SHANK2: variants seen among roughly 807,000 people sequenced by gnomAD.
SHANK2 encodes SH3 and multiple ankyrin repeat domains protein 2.
In SHANK2, 43 loss-of-function variants were observed where a neutral mutation model predicts 133.7. The observed-to-expected ratio is 0.32, with a 90% confidence interval of 0.25 to 0.41. The LOEUF is 0.41. Among genes scored for constraint, SHANK2 ranks in the 10% least tolerant of loss-of-function variants. The pLI is 1.00. For missense variants in SHANK2, 1,994 were observed against 2,235.8 expected (o/e 0.89, Z 2.18); for synonymous variants, 1,017 against 952.8 (o/e 1.07, Z -1.24).
At chr11:71,079,773 A>C (rs1454288889) in intron 8 of SHANK2, among the ~76,000 whole-genome samples, 1 of 147,902 alleles carries the variant, frequency 6.8e-6, no homozygotes, top group African/African-American at 2.5e-5. Context: ...AGAGAAAGAA[A>C]GAGAGAGTAA....
chr11:71,185,449 A>G (rs1273095818), intron 2 of SHANK2, among the ~76,000 whole-genome samples: 3 of 152,216 alleles, frequency 2.0e-5, no homozygotes, highest in Non-Finnish European at 4.4e-5. Context: ...GGCCAGGAAG[A>G]GAAGGATGGG....
intron 3 of SHANK2, among the ~76,000 whole-genome samples, chr11:71,133,186 A>C (rs1322623325): frequency 7.4e-6 from 1 of 134,860 alleles, no homozygotes; most frequent in Admixed American, 6.9e-5. Context: ...GGATGAGTGG[A>C]TGCATGGATG....
In SHANK2 at chr11:70,473,299, G is replaced by T; in HGVS notation, c.5120C>A (p.Ala1707Asp). ...TGTTGGCGAGACCACAGGGCTTGGG[G>T]CACGTCTTGTTCCTGAGGTCCTGCT... is the stretch of plus-strand genomic sequence containing the variant. Reference protein sequence around the residue: ...YESRTSGTRRAPSPVVSPTEM... With the variant: ...YESRTSGTRRDPSPVVSPTEM... The change falls in exon 26 of 26, where the codon GCC (alanine) becomes GAC (aspartate). Residue 1707 changes from alanine (A) to aspartate (D), a missense_variant. By Grantham distance (126) the Ala-to-Asp change is moderately radical. This residue lies in a region of SHANK2 where 797 missense variants were observed against 907.4 expected (regional missense o/e 0.88). Transcript: ENST00000601538. The surrounding 1 kb of genome is among the most constrained non-coding windows in gnomAD (Gnocchi z 5.9). 1 of 1,613,994 alleles carries T rather than the reference G, an allele frequency of 6.2e-7. No individual in the cohort carries two copies. The highest frequency in any genetic ancestry group is 8.5e-7 in the Non-Finnish European group (1 of 1,180,008).
chr11:70,744,945 T>C (rs549875917), intron 14 of SHANK2, among the ~76,000 whole-genome samples: 1 of 152,332 alleles, frequency 6.6e-6, no homozygotes, highest in African/African-American at 2.4e-5. Context: ...AGCTGCACCC[T>C]GCAGCTCTGA....
intron 17 of SHANK2, among the ~76,000 whole-genome samples, chr11:70,576,826 CT>C (rs1163351764): frequency 1.3e-5 from 2 of 152,218 alleles, no homozygotes; most frequent in African/African-American, 4.8e-5. Flanking sequence ...CCTCACTTTT[CT>C]CCCCTACTAA....
rs782046119 is a variant in SHANK2, at chr11:70,473,134, C to G, written c.5285G>C (p.Arg1762Thr). Residue 1762 changes from arginine to threonine, a missense_variant, in exon 26 of 26, where the codon AGG becomes ACG. Physicochemically the swap from Arg to Thr is moderately conservative, Grantham distance 71. Transcript: ENST00000601538. This position sits in a 1 kb window ranked among gnomAD's most constrained non-coding sequence, Gnocchi z 5.9. ...TTGCAGTATCGAGGGGGATGGCGAC[C>G]TACTGCGTCCCGCTGGGTTCAAGCC... Reference protein sequence around the residue: ...LFGLNPAGRSRSPSPSILQQP... With the variant: ...LFGLNPAGRSTSPSPSILQQP... 1 of 1,614,262 alleles carries G rather than the reference C, an allele frequency of 6.2e-7. No homozygotes were observed. Among genetic ancestry groups the G allele is most frequent in the Non-Finnish European group, 8.5e-7 (1 of 1,180,050 alleles).
Position 70,816,221 on chromosome 11 carries a change from G to A in SHANK2, c.1493+4143C>T, listed in dbSNP as rs75050468. 9.9e-3 allele frequency among the ~76,000 whole-genome samples: 1,513 copies of A among 152,378 alleles called. 12 individuals carry two copies. Among genetic ancestry groups the A allele is most frequent in the Non-Finnish European group, 0.016 (1,080 of 68,046 alleles). On this transcript the variant is annotated intron_variant, in intron 12 of 25. Coordinates refer to ENST00000601538, the MANE Select transcript of SHANK2 (RefSeq NM_012309.5). ...CTTAATCCACCCAGCACACTCGGGA[G>A]GGGGTGAAAGTCATCAGCCCCACTT...
Position 70,865,475 on chromosome 11 carries a change from G to A in SHANK2, c.1174+31026C>T, listed in dbSNP as rs892328197. 2.0e-5 allele frequency among the ~76,000 whole-genome samples: 3 copies of A among 152,316 alleles called. No individual in the cohort carries two copies. In the East Asian group the frequency reaches 5.8e-4, roughly 29 times the overall value. ...GAATTCACCACGAGTAAGGGCACGC[G>A]GGGGGTGTCTGAGAAAGTGCAGAAG... On this transcript the variant is annotated intron_variant, in intron 11 of 25. Transcript: ENST00000601538.
intron 15 of SHANK2, among the ~76,000 whole-genome samples, chr11:70,679,394 G>A (rs1944978490): frequency 1.3e-5 from 2 of 152,206 alleles, no homozygotes; most frequent in South Asian, 4.1e-4. Flanking sequence ...CCCTTTTGAG[G>A]AGCAGGGCAG....
In SHANK2 at chr11:70,579,734, A is replaced by G. The variant is rs2060160301; in HGVS notation, c.2062-76803T>C. Among the ~76,000 whole-genome samples, 3 of 152,242 alleles carry G rather than the reference A, an allele frequency of 2.0e-5. No individual in the cohort carries two copies. The South Asian group carries it at 6.2e-4, about 32-fold the overall frequency. On this transcript the variant is annotated intron_variant, in intron 17 of 25. Coordinates refer to ENST00000601538, the MANE Select transcript of SHANK2 (RefSeq NM_012309.5). ...TAATCCCTGGGACCTGTGTGACCATAAGCCGCAAAAGGGACTTTGCAGATG... is the reference window on the plus strand; with the variant it reads ...TAATCCCTGGGACCTGTGTGACCATGAGCCGCAAAAGGGACTTTGCAGATG...
intron 3 of SHANK2, among the ~76,000 whole-genome samples, chr11:71,134,789 T>C (rs1555104450): frequency 6.6e-6 from 1 of 152,134 alleles, no homozygotes. Flanking sequence ...CCCCACTGGC[T>C]TTGTCATAGG....
intron 2 of SHANK2, among the ~76,000 whole-genome samples, chr11:71,172,001 G>A (rs1446741489): frequency 1.3e-5 from 2 of 152,214 alleles, no homozygotes; most frequent in Non-Finnish European, 2.9e-5. Flanking sequence ...CCTTGGGGCA[G>A]CAGCAGTAGG....
intron 14 of SHANK2, among the ~76,000 whole-genome samples, chr11:70,758,489 C>T (rs1262951047): frequency 6.6e-6 from 1 of 152,244 alleles, no homozygotes; most frequent in Non-Finnish European, 1.5e-5. Flanking sequence ...TGTTCCTGCG[C>T]CAGCTAAGTG....
At chr11:70,792,161 A>C (rs782056959) in intron 14 of SHANK2, among the ~76,000 whole-genome samples, 8 of 151,926 alleles carry the variant, frequency 5.3e-5, no homozygotes, top group Non-Finnish European at 1.2e-4. Flanking sequence ...CCAACTAGTT[A>C]ATCAACCAAC....
chr11:70,721,637 G>A (rs1946077567), intron 14 of SHANK2, among the ~76,000 whole-genome samples: 1 of 152,234 alleles, frequency 6.6e-6, no homozygotes. Context: ...TCGTGGGCCA[G>A]CTAGTGCTGT....
At chr11:70,891,719 G>A (rs1034178823) in intron 11 of SHANK2, among the ~76,000 whole-genome samples, 25 of 152,026 alleles carry the variant, frequency 1.6e-4, no homozygotes, top group African/African-American at 5.5e-4. Context: ...CCCTCTCTCG[G>A]TCTCCATCCC....
intron 10 of SHANK2, among the ~76,000 whole-genome samples, chr11:70,932,519 C>A (rs1175064964): frequency 2.6e-5 from 4 of 152,254 alleles, no homozygotes; most frequent in Non-Finnish European, 5.9e-5. Flanking sequence ...CAGGAAACTA[C>A]CTCTGTTTAC....
intron 23 of SHANK2, chr11:70,489,693 C>T (rs1161625919): frequency 2.5e-6 from 1 of 395,282 alleles, no homozygotes; most frequent in African/African-American, 2.0e-5. Context: ...CACAAAGGGA[C>T]TGTCTCAAAG....
chr11:70,610,692 G>A (rs1006579763), intron 17 of SHANK2, among the ~76,000 whole-genome samples: 16 of 152,208 alleles, frequency 1.1e-4, no homozygotes, highest in African/African-American at 3.9e-4. Context: ...GAATTCCGTG[G>A]GGCAGCCGGC....
Sources: allele counts gnomAD v4.1 joint callset (sites outside exome capture counted in the v4.1 genomes callset), GRCh38; gene constraint gnomAD v4.1.1; regional missense constraint gnomAD v4.1.1; non-coding constraint Gnocchi (gnomAD v3.1); transcripts MANE v1.5; gene names NCBI Gene and HGNC (gene_info 2026-07-23, HGNC 2026-07-21).